The following ESR1 variants were observed in gnomAD, a reference collection of about 807,000 sequenced individuals.
ESR1 encodes estrogen receptor 1.
A neutral mutation model predicts 52.7 loss-of-function variants in ESR1; 12 were observed. The ratio of observed to expected loss-of-function variants is 0.23; its 90% CI spans 0.15 to 0.37. ESR1 has a LOEUF of 0.37. Ranked by LOEUF, ESR1 falls within the 10% of genes least tolerant of loss-of-function variation. ESR1 has a pLI of 1.00. For missense variants in ESR1, 584 were observed against 779.7 expected (o/e 0.75, Z 2.99); for synonymous variants, 305 against 316.8 (o/e 0.96, Z 0.39).
chr6:152,077,396 G>T (rs889840762), intron 6 of ESR1, among the ~76,000 whole-genome samples: 11 of 152,150 alleles, frequency 7.2e-5, no homozygotes, highest in Admixed American at 3.3e-4. Flanking sequence ...GAGGGCCTCT[G>T]CTAGGGCAAT....
rs186721789 is a variant in ESR1, at chr6:151,768,759, T to G, written c.-70-39084T>G. 3.3e-4 allele frequency among the ~76,000 whole-genome samples: 51 copies of G among 152,318 alleles called. No individual in the cohort carries two copies. In the East Asian group the frequency reaches 9.5e-3, roughly 28 times the overall value. ...TTTGGGGAATGTAGGTAAAAGTATATGGGAATATTTTGTACCATTTTCTCA... is the reference window on the plus strand; with the variant it reads ...TTTGGGGAATGTAGGTAAAAGTATAGGGGAATATTTTGTACCATTTTCTCA... On this transcript the variant is annotated intron_variant, in intron 2 of 2. Transcript: ENST00000404742.
rs561722243 is a variant in ESR1, at chr6:152,023,981, A to G, written c.1235+12187A>G. On this transcript the variant is annotated intron_variant, in intron 5 of 7. Coordinates refer to ENST00000206249, the MANE Select transcript of ESR1 (RefSeq NM_000125.4). Reference sequence around the variant, plus strand: ...AAGAGTTTCCGTGTCCCCAAGTTATAATTGCATTCACTTATATTTTCTTCT... The same window carrying G: ...AAGAGTTTCCGTGTCCCCAAGTTATGATTGCATTCACTTATATTTTCTTCT... 9.3e-4 allele frequency among the ~76,000 whole-genome samples: 141 copies of G among 152,320 alleles called. 1 individual carries two copies. Among genetic ancestry groups the G allele is most frequent in the African/African-American group, 3.2e-3 (133 of 41,586 alleles).
chr6:151,821,985 G>A (rs1193538733), intron 1 of ESR1, among the ~76,000 whole-genome samples: 2 of 152,174 alleles, frequency 1.3e-5, no homozygotes, highest in Non-Finnish European at 2.9e-5. Flanking sequence ...TGGCTGGTGG[G>A]TTGTAACTGT....
chr6:152,049,129 T>C (rs1377281288), intron 5 of ESR1, among the ~76,000 whole-genome samples: 1 of 152,250 alleles, frequency 6.6e-6, no homozygotes, highest in Admixed American at 6.5e-5. Context: ...CTATGTAAAC[T>C]GAACAAGCAA....
Position 151,944,548 on chromosome 6 carries a change from T to C in ESR1, c.1096+40T>C, listed in dbSNP as rs779199997. ...CGCAGCTTTTAAGAGTCAATAGCTT[T>C]TCAAGAACTTGTTGTGATGTCATGG... On this transcript the variant is annotated intron_variant, in intron 4 of 7. Coordinates refer to ENST00000206249, the MANE Select transcript of ESR1 (RefSeq NM_000125.4). 2.6e-6 allele frequency: 4 copies of C among 1,560,346 alleles called. No homozygotes were observed. The South Asian group carries it at 3.3e-5, about 13-fold the overall frequency.
chr6:152,039,706 A>G (rs958699380), intron 5 of ESR1, among the ~76,000 whole-genome samples: 1 of 152,054 alleles, frequency 6.6e-6, no homozygotes, highest in African/African-American at 2.4e-5. Flanking sequence ...CTGGACACTG[A>G]TCCGGAGCAT....
upstream of ESR1, among the ~76,000 whole-genome samples, chr6:151,806,532 A>ATGTATG (rs1470959513): frequency 0.011 from 1,127 of 102,254 alleles, 25 homozygotes; most frequent in African/African-American, 0.043. Context: ...CTTAATATGT[A>ATGTATG]TATATATATA....
chr6:152,088,197 TA>T (rs2049896229), intron 6 of ESR1, among the ~76,000 whole-genome samples: 2 of 152,154 alleles, frequency 1.3e-5, no homozygotes, highest in African/African-American at 4.8e-5. Context: ...CAAGCTTGAC[TA>T]AAGTAGGAAA....
chr6:151,683,458 CAAAAA>C (rs201266524), intron 1 of ESR1, among the ~76,000 whole-genome samples: 1 of 101,938 alleles, frequency 9.8e-6, no homozygotes. Flanking sequence ...TTCATTTGAT[CAAAAA>C]AAAAAAAAAA....
intron 2 of ESR1, among the ~76,000 whole-genome samples, chr6:151,865,631 A>T (rs892925943): frequency 6.6e-6 from 1 of 152,214 alleles, no homozygotes; most frequent in African/African-American, 2.4e-5. Context: ...CGACAAGGAG[A>T]CATAGACCTC....
At chr6:151,807,576 G>A (rs961176440), upstream of ESR1, 10 of 461,858 alleles carry the variant, frequency 2.2e-5, no homozygotes, top group Admixed American at 3.4e-4. Flanking sequence ...TGATGTTTAA[G>A]CCAATGTCAG....
intron 3 of ESR1, among the ~76,000 whole-genome samples, chr6:151,928,874 A>G (rs547103530): frequency 6.6e-6 from 1 of 151,968 alleles, no homozygotes; most frequent in East Asian, 1.9e-4. Flanking sequence ...TTTTCCAGCT[A>G]TCTTTCTGTT....
chr6:152,034,722 A>C (rs1376561017), intron 5 of ESR1, among the ~76,000 whole-genome samples: 2 of 152,096 alleles, frequency 1.3e-5, no homozygotes, highest in African/African-American at 4.8e-5. Flanking sequence ...TGCTTTGTGG[A>C]CAGAAGTGCC....
intron 1 of ESR1, among the ~76,000 whole-genome samples, chr6:151,825,101 G>T (rs781327724): frequency 1.2e-4 from 18 of 152,054 alleles, no homozygotes; most frequent in Admixed American, 5.2e-4. Context: ...TCTCTGAAAT[G>T]CTTTTTGAAG....
intron 1 of ESR1, among the ~76,000 whole-genome samples, chr6:151,831,863 C>T (rs909131314): frequency 1.5e-4 from 23 of 152,126 alleles, no homozygotes; most frequent in Admixed American, 1.0e-3. Flanking sequence ...AACCAAGGGT[C>T]GTGCTGGGTT....
At chr6:152,018,402 A>G (rs1422772006) in intron 5 of ESR1, among the ~76,000 whole-genome samples, 2 of 151,606 alleles carry the variant, frequency 1.3e-5, no homozygotes, top group Non-Finnish European at 2.9e-5. Flanking sequence ...AATTCTTTGC[A>G]GATTTTTTAC....
intron 6 of ESR1, among the ~76,000 whole-genome samples, chr6:152,081,385 T>C (rs1233053200): frequency 2.0e-5 from 3 of 151,728 alleles, no homozygotes; most frequent in Non-Finnish European, 4.4e-5. Context: ...ACTGGGTAAA[T>C]AACAAAATGA....
intron 1 of ESR1, among the ~76,000 whole-genome samples, chr6:151,671,068 G>A (rs535499477): frequency 2.0e-5 from 3 of 152,128 alleles, no homozygotes; most frequent in South Asian, 4.2e-4. Flanking sequence ...GCACCTGGCC[G>A]GAAGACAGAT....
At chr6:151,846,270 C>A (rs966022262) in intron 2 of ESR1, among the ~76,000 whole-genome samples, 3 of 152,148 alleles carry the variant, frequency 2.0e-5, no homozygotes, top group Admixed American at 2.0e-4. Flanking sequence ...GGATTTAATC[C>A]TAGACTGTGT....
Sources: allele counts gnomAD v4.1 joint callset (sites outside exome capture counted in the v4.1 genomes callset), GRCh38; gene constraint gnomAD v4.1.1; transcripts MANE v1.5; gene names NCBI Gene and HGNC (gene_info 2026-07-23, HGNC 2026-07-21).